Variants in LRP5 observed in about 807,000 individuals in gnomAD.
LRP5 encodes LDL receptor related protein 5.
LRP5 carries 62 observed loss-of-function variants against 154.1 expected under a neutral mutation model. The ratio of observed to expected loss-of-function variants is 0.40; its 90% CI spans 0.33 to 0.50. The LOEUF (loss-of-function observed/expected upper bound fraction) is 0.50. Ranked by LOEUF, LRP5 falls within the 20% of genes least tolerant of loss-of-function variation. The probability of loss-of-function intolerance (pLI) is 0.55; values close to 1 mark genes in which losing one functional copy is unlikely to be tolerated. For missense variants in LRP5, 1,915 were observed against 2,336.7 expected (o/e 0.82, Z 3.72); for synonymous variants, 966 against 1,011.5 (o/e 0.96, Z 0.85).
rs577574924 is a variant in LRP5 at position 68,412,045 on chromosome 11, C to T, written c.2503+425C>T. Among the ~76,000 whole-genome samples the T allele has an allele frequency of 2.0e-5, 3 of 152,314 alleles. No individual in the cohort carries two copies. The South Asian group carries it at 6.2e-4, about 32-fold the overall frequency. ...GCCAGCACTCGATCCCCACCCAGCC[C>T]TGAACCCCACCATGTGCTGGGATTG... On this transcript the variant is annotated intron_variant, in intron 11 of 22. Coordinates refer to ENST00000294304, the MANE Select transcript of LRP5 (RefSeq NM_002335.4).
the LRP5 span, among the ~76,000 whole-genome samples, chr11:68,305,591 C>T: frequency 1.1e-3 from 170 of 152,144 alleles, no homozygotes; most frequent in African/African-American, 2.9e-3. Context: ...TACAGATGCA[C>T]GCCACCATGC....
intron 21 of LRP5, among the ~76,000 whole-genome samples, chr11:68,441,784 G>GTA (rs2098678345): frequency 6.6e-6 from 1 of 152,188 alleles, no homozygotes; most frequent in African/African-American, 2.4e-5. Context: ...TTAAAAAAGG[G>GTA]TACAGTTCAG....
At chr11:68,430,376 G>A (rs1024685235) in intron 17 of LRP5, among the ~76,000 whole-genome samples, 3 of 152,152 alleles carry the variant, frequency 2.0e-5, no homozygotes, top group Admixed American at 6.5e-5. Flanking sequence ...GTTTCACCAT[G>A]TTGGTCAGGC....
At chr11:68,372,196 A>G (rs2098634398) in intron 5 of LRP5, among the ~76,000 whole-genome samples, 1 of 151,914 alleles carries the variant, frequency 6.6e-6, no homozygotes, top group African/African-American at 2.4e-5. Context: ...GAGAAAGTGC[A>G]GTGTCAGGCA....
intron 17 of LRP5, among the ~76,000 whole-genome samples, chr11:68,432,306 AC>A (rs1366709977): frequency 6.6e-6 from 1 of 151,966 alleles, no homozygotes; most frequent in Non-Finnish European, 1.5e-5. Flanking sequence ...GTCGCCCTCA[AC>A]CTCCAGCCAC....
intron 1 of LRP5, among the ~76,000 whole-genome samples, chr11:68,338,320 T>A (rs1217414700): frequency 6.6e-6 from 1 of 152,246 alleles, no homozygotes; most frequent in Non-Finnish European, 1.5e-5. Flanking sequence ...GGTGTAACCA[T>A]GTAAATAAAC....
chr11:68,312,818 A>AG lies in LRP5; in HGVS notation c.91+15dup, dbSNP rs1217262244. The AG allele has an allele frequency of 3.9e-6, 4 of 1,034,678 alleles. No individual in the cohort carries two copies. The highest frequency in any genetic ancestry group is 1.8e-5 in the African/African-American group (1 of 56,620). 64.1% of individuals were successfully genotyped at this position (1,034,678 alleles called of 1,614,324 possible). ...GCCCCCGCCGCGGGTAGGTGGGCGC[A>AG]GGCCGGCCGGGGGCCGCGGGTTGCT... On this transcript the variant is annotated intron_variant, in intron 1 of 22. Coordinates refer to ENST00000294304, the MANE Select transcript of LRP5 (RefSeq NM_002335.4).
rs533706917 is a variant in LRP5 at position 68,368,931 on chromosome 11, A to T, written c.1015+3229A>T. Among the ~76,000 whole-genome samples, 3 of 146,082 alleles carry T rather than the reference A, an allele frequency of 2.1e-5. No individual in the cohort carries two copies. The East Asian group carries it at 6.1e-4, about 30-fold the overall frequency. On this transcript the variant is annotated intron_variant, in intron 5 of 22. Coordinates refer to ENST00000294304, the MANE Select transcript of LRP5 (RefSeq NM_002335.4). ...TGGCTCACAGCAGCTTCCACCTCCC[A>T]GGTTCAAGCAATTCTCCTGCCTCAG...
At chr11:68,385,862 C>G (rs2098642680) in intron 5 of LRP5, among the ~76,000 whole-genome samples, 1 of 152,022 alleles carries the variant, frequency 6.6e-6, no homozygotes, top group African/African-American at 2.4e-5. Context: ...GAAGGGTGAG[C>G]CCCTGCAAGG....
At chr11:68,364,011 G>C (rs2098629499) in intron 4 of LRP5, 68 bp downstream of exon 4, 1 of 437,632 alleles carries the variant, frequency 2.3e-6, no homozygotes. Context: ...CGGGGCAGGG[G>C]AGTGGGAGGA....
At chr11:68,318,446 C>CCT (rs147556073) in intron 1 of LRP5, among the ~76,000 whole-genome samples, 2 of 151,524 alleles carry the variant, frequency 1.3e-5, no homozygotes, top group African/African-American at 4.9e-5. Context: ...CTGAAGCAAT[C>CCT]CTCTCACCTC....
chr11:68,411,154 C>T (rs1383318506), intron 10 of LRP5, among the ~76,000 whole-genome samples: 1 of 152,164 alleles, frequency 6.6e-6, no homozygotes, highest in Non-Finnish European at 1.5e-5. Context: ...CACACACTCA[C>T]CCTGTCTGTG....
In LRP5 at chr11:68,403,933, AT is replaced by A. The variant is rs376846689; in HGVS notation, c.1801+237del. ...TAACAATGGTTAGAAAGTGACTAAC[AT>A]TTGTTGAGCACCTGCTGTGTGCCCG... On this transcript the variant is annotated intron_variant, in intron 8 of 22. Transcript: ENST00000294304. 5 of 595,908 alleles carry A rather than the reference AT, an allele frequency of 8.4e-6. No homozygotes were observed. The African/African-American group carries it at 9.3e-5, about 11-fold the overall frequency. 36.9% of individuals were successfully genotyped at this position (595,908 alleles called of 1,614,324 possible). A position where few individuals can be genotyped will look rare whatever the true frequency, so the allele number is the denominator to read the frequency against.
intron 7 of LRP5, among the ~76,000 whole-genome samples, chr11:68,399,197 A>G (rs2098651260): frequency 6.6e-6 from 1 of 151,824 alleles, no homozygotes; most frequent in Non-Finnish European, 1.5e-5. Flanking sequence ...GCAAGAACCT[A>G]TCTCTTAAAA....
chr11:68,394,890 G>A (rs974504882), intron 7 of LRP5, among the ~76,000 whole-genome samples: 4 of 152,360 alleles, frequency 2.6e-5, no homozygotes, highest in African/African-American at 9.6e-5. Flanking sequence ...AGGTCAGGAG[G>A]TAGAAGGGCG....
chr11:68,435,441 G>A (rs149819080), intron 18 of LRP5, among the ~76,000 whole-genome samples: 100 of 152,138 alleles, frequency 6.6e-4, no homozygotes, highest in Non-Finnish European at 1.2e-3. Flanking sequence ...GGTGAAAGTC[G>A]AAGCGGGAGC....
At chr11:68,365,178 G>C (rs1219324079) in intron 4 of LRP5, among the ~76,000 whole-genome samples, 1 of 152,186 alleles carries the variant, frequency 6.6e-6, no homozygotes, top group Non-Finnish European at 1.5e-5. Flanking sequence ...ATTGGAGCGT[G>C]GGGGGCAGCC....
At chr11:68,356,598 A>G (rs2098623358) in intron 2 of LRP5, among the ~76,000 whole-genome samples, 1 of 152,218 alleles carries the variant, frequency 6.6e-6, no homozygotes, top group South Asian at 2.1e-4. Context: ...ATTTGTTACA[A>G]CTGATGAAAG....
chr11:68,317,769 TG>T (rs1313563028), intron 1 of LRP5, among the ~76,000 whole-genome samples: 1 of 152,134 alleles, frequency 6.6e-6, no homozygotes, highest in Non-Finnish European at 1.5e-5. Context: ...GCCTGACTCG[TG>T]GTGTGCCAGA....
Sources: gnomAD v4.1 joint callset for allele counts (sites outside exome capture counted in the v4.1 genomes callset) on GRCh38, gnomAD v4.1.1 for gene constraint, MANE v1.5 for transcripts, NCBI Gene and HGNC (gene_info 2026-07-23, HGNC 2026-07-21) for gene names.